CSMD3: variants seen among roughly 807,000 people sequenced by gnomAD.
CSMD3 encodes the protein CUB and Sushi multiple domains 3, also known as CUB and sushi domain-containing protein 3.
CSMD3 carries 177 observed loss-of-function variants against 435.2 expected under a neutral mutation model. That is an observed-to-expected ratio of 0.41 (90% CI 0.36 to 0.46). CSMD3 has a LOEUF of 0.46. CSMD3 is among the 20% of genes least tolerant of loss of function. CSMD3 has a pLI of 0.34. For synonymous variants in CSMD3, 1,656 were observed against 1,520.5 expected (o/e 1.09, Z -2.07); for missense variants, 4,265 against 4,504.6 (o/e 0.95, Z 1.52).
chr8:112,231,584 G>C lies in CSMD3; in HGVS notation c.10789C>G (p.Gln3597Glu), dbSNP rs1813091192. 1.2e-6 allele frequency: 2 copies of C among 1,612,420 alleles called. No individual in the cohort carries two copies. Among genetic ancestry groups the C allele is most frequent in the East Asian group, 4.5e-5 (2 of 44,726 alleles). The change falls in exon 69 of 71, where the codon CAA (glutamine) becomes GAA (glutamate). Residue 3597 changes from glutamine to glutamate, a missense_variant. Transcript: ENST00000297405. ...GATYVFQGFIQGKDYGQFGLQ... is the reference protein window; with the variant it reads ...GATYVFQGFIEGKDYGQFGLQ... ...CCAAATTGTCCATAATCTTTGCCTT[G>C]AATAAATCCTTGAAATACATAAGTA...
At chr8:112,609,406 T>C (rs1833077703) in intron 22 of CSMD3, among the ~76,000 whole-genome samples, 2 of 152,032 alleles carry the variant, frequency 1.3e-5, no homozygotes, top group South Asian at 2.1e-4. Context: ...TACATGTATA[T>C]GGAAAGGTAC....
intron 13 of CSMD3, among the ~76,000 whole-genome samples, chr8:112,729,873 A>G (rs2132007462): frequency 6.6e-6 from 1 of 152,240 alleles, no homozygotes; most frequent in South Asian, 2.1e-4. Context: ...CAGCCCTGTC[A>G]GATTTCAAAC....
intron 24 of CSMD3, among the ~76,000 whole-genome samples, chr8:112,568,870 A>G (rs1441856597): frequency 2.6e-5 from 4 of 152,148 alleles, no homozygotes; most frequent in Admixed American, 2.6e-4. Context: ...ACAGCTGTAC[A>G]TTGTAGTAAA....
chr8:112,603,764 T>G (rs1832568368), intron 22 of CSMD3, among the ~76,000 whole-genome samples: 1 of 152,130 alleles, frequency 6.6e-6, no homozygotes, highest in Admixed American at 6.6e-5. Context: ...GTCACAAATC[T>G]CCAAAAAGTT....
At chr8:112,750,160 G>T (rs1167058345) in intron 13 of CSMD3, among the ~76,000 whole-genome samples, 1 of 151,978 alleles carries the variant, frequency 6.6e-6, no homozygotes, top group African/African-American at 2.4e-5. Flanking sequence ...GGCATAAGAA[G>T]AGCTTTGTGT....
intron 13 of CSMD3, among the ~76,000 whole-genome samples, chr8:112,733,004 T>C (rs1395549192): frequency 1.3e-5 from 2 of 152,276 alleles, no homozygotes; most frequent in South Asian, 2.1e-4. Context: ...TCTTTTAAAA[T>C]GTATTTTTAA....
chr8:112,998,876 A>G (rs948973461), intron 6 of CSMD3, among the ~76,000 whole-genome samples: 4 of 151,886 alleles, frequency 2.6e-5, no homozygotes, highest in African/African-American at 9.7e-5. Context: ...CTGGCCATGT[A>G]AGACACTCCT....
At chr8:112,509,179 T>TC (rs935405695) in intron 28 of CSMD3, among the ~76,000 whole-genome samples, 8 of 149,856 alleles carry the variant, frequency 5.3e-5, no homozygotes, top group African/African-American at 2.0e-4. Flanking sequence ...AGCCTTGACC[T>TC]CCCAGGCTCA....
chr8:112,873,289 A>T (rs2081188232), intron 10 of CSMD3, among the ~76,000 whole-genome samples: 1 of 151,962 alleles, frequency 6.6e-6, no homozygotes, highest in East Asian at 1.9e-4. Flanking sequence ...AAGATTTTAG[A>T]CCTCCCCAAA....
chr8:113,255,297 T>C (rs1212989608), intron 3 of CSMD3, among the ~76,000 whole-genome samples: 2 of 152,090 alleles, frequency 1.3e-5, no homozygotes, highest in African/African-American at 4.8e-5. Flanking sequence ...CTGCCCTCAT[T>C]TTTGGATCTC....
intron 7 of CSMD3, among the ~76,000 whole-genome samples, chr8:112,966,313 T>A (rs1447544204): frequency 6.6e-6 from 1 of 151,622 alleles, no homozygotes; most frequent in Non-Finnish European, 1.5e-5. Flanking sequence ...CATTAGTTAG[T>A]CTCATAAATA....
Position 113,409,114 on chromosome 8 carries a change from C to T in CSMD3, c.178+27563G>A, listed in dbSNP as rs181167379. ...TTTTTTTTTTTTTGAGATGGAGTCT[C>T]ACTCTGTCTCTCAGCCTGGAGTGCA... On this transcript the variant is annotated intron_variant, in intron 1 of 70. Coordinates refer to ENST00000297405, the MANE Select transcript of CSMD3 (RefSeq NM_198123.2). Among the ~76,000 whole-genome samples, 548 of 117,718 alleles carry T rather than the reference C, an allele frequency of 4.7e-3. 12 individuals carry two copies. The highest frequency in any genetic ancestry group is 0.017 in the African/African-American group (528 of 31,230). The allele number at this position is 117,718 out of a possible 152,430, so 77.2% of individuals were successfully genotyped here. A position where few individuals can be genotyped will look rare whatever the true frequency, so the allele number is the denominator to read the frequency against.
intron 45 of CSMD3, among the ~76,000 whole-genome samples, chr8:112,330,881 ATTG>A (rs1823982005): frequency 6.6e-6 from 1 of 152,084 alleles, no homozygotes; most frequent in African/African-American, 2.4e-5. Flanking sequence ...AGCTGTTGTT[ATTG>A]TTGTTTTGAT....
At chr8:112,306,959 T>A (rs1384154740) in intron 50 of CSMD3, among the ~76,000 whole-genome samples, 1 of 151,888 alleles carries the variant, frequency 6.6e-6, no homozygotes, top group Non-Finnish European at 1.5e-5. Flanking sequence ...TTTAAAAGGC[T>A]ACAGAAAAAT....
At chr8:113,199,515 T>G (rs755466283) in intron 3 of CSMD3, among the ~76,000 whole-genome samples, 2 of 151,752 alleles carry the variant, frequency 1.3e-5, no homozygotes, top group Non-Finnish European at 2.9e-5. Flanking sequence ...CACCTTAAAT[T>G]TAAAAACTGC....
At chr8:113,189,452 G>T (rs1041690313) in intron 3 of CSMD3, among the ~76,000 whole-genome samples, 4 of 151,802 alleles carry the variant, frequency 2.6e-5, no homozygotes, top group Non-Finnish European at 5.9e-5. Context: ...TGGATTGAGT[G>T]AGAACTGGAG....
chr8:112,966,421 C>A (rs545043643), intron 7 of CSMD3, among the ~76,000 whole-genome samples: 11 of 151,304 alleles, frequency 7.3e-5, no homozygotes, highest in Non-Finnish European at 1.3e-4. Flanking sequence ...TTTGATTTGG[C>A]ATCAACTTTT....
At chr8:112,470,289 A>C (rs1036687702) in intron 32 of CSMD3, among the ~76,000 whole-genome samples, 1 of 152,156 alleles carries the variant, frequency 6.6e-6, no homozygotes, top group Non-Finnish European at 1.5e-5. Context: ...CATGTCATTT[A>C]ATTTAACCTT....
chr8:113,186,589 G>A (rs1255418436), intron 3 of CSMD3, among the ~76,000 whole-genome samples: 1 of 151,952 alleles, frequency 6.6e-6, no homozygotes, highest in Admixed American at 6.6e-5. Flanking sequence ...GAGGCTCCCT[G>A]CTAGTGATTG....
Sources: allele counts gnomAD v4.1 joint callset (sites outside exome capture counted in the v4.1 genomes callset), GRCh38; gene constraint gnomAD v4.1.1; transcripts MANE v1.5; gene names NCBI Gene and HGNC (gene_info 2026-07-23, HGNC 2026-07-21).